Variants in CDKL2 observed in about 807,000 individuals in gnomAD.
CDKL2 encodes cyclin dependent kinase like 2.
Under a neutral mutation model 63.9 loss-of-function variants are expected in CDKL2, and 64 were observed. That is an observed-to-expected ratio of 1.00 (90% CI 0.82 to 1.23). The LOEUF is 1.23. Among genes scored for constraint, CDKL2 ranks in the 50% most tolerant of loss-of-function variants. The pLI is 0.00. For synonymous variants in CDKL2, 211 were observed against 229.2 expected (o/e 0.92, Z 0.72); for missense variants, 656 against 668.0 (o/e 0.98, Z 0.20).
intron 1 of CDKL2, among the ~76,000 whole-genome samples, chr4:75,628,864 A>G (rs914702772): frequency 6.6e-6 from 1 of 152,134 alleles, no homozygotes; most frequent in Non-Finnish European, 1.5e-5. Context: ...TTTTTAATGT[A>G]GCTATATGTG....
intron 1 of CDKL2, among the ~76,000 whole-genome samples, chr4:75,626,472 C>T (rs1313286388): frequency 6.6e-6 from 1 of 152,084 alleles, no homozygotes; most frequent in African/African-American, 2.4e-5. Flanking sequence ...TGAGACCATC[C>T]TGGCTAACAC....
intron 2 of CDKL2, among the ~76,000 whole-genome samples, chr4:75,620,037 T>A (rs1392082144): frequency 6.6e-6 from 1 of 151,988 alleles, no homozygotes; most frequent in African/African-American, 2.4e-5. Context: ...ATTAAAAAAA[T>A]TAGCTGGGCA....
Position 75,617,648 on chromosome 4 carries a change from G to A in CDKL2, c.169-3199C>T, listed in dbSNP as rs558431949. Among the ~76,000 whole-genome samples the A allele has an allele frequency of 1.4e-3, 206 of 152,140 alleles. 1 individual carries two copies. The highest frequency in any genetic ancestry group is 4.8e-3 in the African/African-American group (200 of 41,488). Reference sequence around the variant, plus strand: ...TACTAGAATGTCACTTGTTCCATTGGGCTGTTTTGGCACATTTCTAATAGA... The same window carrying A: ...TACTAGAATGTCACTTGTTCCATTGAGCTGTTTTGGCACATTTCTAATAGA... On this transcript the variant is annotated intron_variant, in intron 2 of 13. Transcript: ENST00000307465.
At chr4:75,582,908 C>G (rs1728321028) in intron 12 of CDKL2, among the ~76,000 whole-genome samples, 1 of 151,988 alleles carries the variant, frequency 6.6e-6, no homozygotes, top group Non-Finnish European at 1.5e-5. Context: ...GGAGGAAAAA[C>G]AAAAACAAAA....
intron 4 of CDKL2, among the ~76,000 whole-genome samples, chr4:75,606,752 A>C (rs1037892561): frequency 6.6e-6 from 1 of 152,372 alleles, no homozygotes; most frequent in East Asian, 1.9e-4. Flanking sequence ...AAAGATTTCA[A>C]TCAAAAGCAG....
At chr4:75,629,813 C>T (rs1284194530) in intron 1 of CDKL2, among the ~76,000 whole-genome samples, 1 of 151,794 alleles carries the variant, frequency 6.6e-6, no homozygotes, top group African/African-American at 2.4e-5. Flanking sequence ...GTGGTGATGC[C>T]TGTAATCCCA....
rs542440962 is a variant in CDKL2 at position 75,626,816 on chromosome 4, A to C, written c.-29-799T>G. On this transcript the variant is annotated intron_variant, in intron 1 of 13. Coordinates refer to ENST00000307465, the MANE Select transcript of CDKL2 (RefSeq NM_001330724.2). ...TGAGGCAGGAGAATTGCTTGAGCCCAGGAGGTTGAGGCTGCAGTGAGCTGT... is the reference window on the plus strand; with the variant it reads ...TGAGGCAGGAGAATTGCTTGAGCCCCGGAGGTTGAGGCTGCAGTGAGCTGT... Among the ~76,000 whole-genome samples, 32 of 152,182 alleles carry C rather than the reference A, an allele frequency of 2.1e-4. No individual in the cohort carries two copies. The East Asian group carries it at 6.0e-3, about 28-fold the overall frequency.
chr4:75,598,174 G>T lies in CDKL2; in HGVS notation c.923C>A (p.Ala308Asp). 1 of 1,522,654 alleles carries T rather than the reference G, an allele frequency of 6.6e-7. No individual in the cohort carries two copies. Among genetic ancestry groups the T allele is most frequent in the Non-Finnish European group, 9.0e-7 (1 of 1,112,764 alleles). 94.3% of individuals were successfully genotyped at this position (1,522,654 alleles called of 1,614,324 possible). A position where few individuals can be genotyped will look rare whatever the true frequency, so the allele number is the denominator to read the frequency against. ...QELQLKVQKD[A>D]RNVSLSKKSQ... ...TTTTTTAGATAAAGAAACATTTCTG[G>T]CATCTTTCTGTACTTTTAACTGTAG... Residue 308 changes from alanine (A) to aspartate (D), a missense_variant, in exon 8 of 14, where the codon GCC (alanine) becomes GAC (aspartate). Coordinates refer to ENST00000307465, the MANE Select transcript of CDKL2 (RefSeq NM_001330724.2).
chr4:75,609,751 TA>T (rs1233357087), intron 3 of CDKL2, among the ~76,000 whole-genome samples: 2 of 151,064 alleles, frequency 1.3e-5, no homozygotes, highest in African/African-American at 2.4e-5. Context: ...TTTTGAAAAC[TA>T]AAAAAGATAG....
At chr4:75,591,249 C>G (rs1466427552) in intron 12 of CDKL2, among the ~76,000 whole-genome samples, 1 of 152,108 alleles carries the variant, frequency 6.6e-6, no homozygotes, top group Non-Finnish European at 1.5e-5. Context: ...CAGTAGCTAA[C>G]AAAAACTGTA....
At chr4:75,588,074 C>T (rs1347683545) in intron 12 of CDKL2, among the ~76,000 whole-genome samples, 2 of 151,428 alleles carry the variant, frequency 1.3e-5, no homozygotes, top group African/African-American at 2.4e-5. Flanking sequence ...ATTAGCCGGG[C>T]GTGGTGGTGC....
chr4:75,595,454 A>G (rs1160521041), intron 10 of CDKL2, among the ~76,000 whole-genome samples: 3 of 152,028 alleles, frequency 2.0e-5, no homozygotes, highest in Non-Finnish European at 4.4e-5. Flanking sequence ...GGCTCAAACT[A>G]TCCTCCCACC....
chr4:75,596,077 G>A (rs546513768), intron 10 of CDKL2, 170 bp downstream of exon 10: 88 of 418,172 alleles, frequency 2.1e-4, no homozygotes, highest in Non-Finnish European at 3.5e-4. Flanking sequence ...TAAACTTTCA[G>A]AATTTCACGT....
At chr4:75,626,065 C>A (rs1730394328) in intron 1 of CDKL2, 48 bp from the exon 2 acceptor site, 9 of 1,140,452 alleles carry the variant, frequency 7.9e-6, no homozygotes, top group Non-Finnish European at 1.2e-5. Flanking sequence ...ACGTTAATTT[C>A]CTCCGCCTTC....
intron 12 of CDKL2, among the ~76,000 whole-genome samples, chr4:75,584,738 G>A (rs939679154): frequency 3.9e-5 from 6 of 152,108 alleles, no homozygotes; most frequent in African/African-American, 7.2e-5. Context: ...ATGGATACAC[G>A]GGACAATGGG....
intron 3 of CDKL2, 21 bp from the exon 4 acceptor site, chr4:75,607,382 G>A (rs1298988792): frequency 1.0e-5 from 16 of 1,586,494 alleles, no homozygotes; most frequent in African/African-American, 1.4e-5. Context: ...AGCAGAGTGT[G>A]ACGGATGTTA....
chr4:75,626,622 A>C (rs564743899), intron 1 of CDKL2, among the ~76,000 whole-genome samples: 703 of 146,390 alleles, frequency 4.8e-3, no homozygotes, highest in Non-Finnish European at 8.4e-3. Context: ...AGCCAAGATC[A>C]CACCACTGCA....
chr4:75,609,385 T>C (rs1281407800), intron 3 of CDKL2, among the ~76,000 whole-genome samples: 1 of 151,644 alleles, frequency 6.6e-6, no homozygotes, highest in East Asian at 1.9e-4. Context: ...GGTGGGTGGA[T>C]CATGAGGTCA....
At chr4:75,593,862 T>C (rs78661901) in intron 10 of CDKL2, among the ~76,000 whole-genome samples, 1,787 of 152,204 alleles carry the variant, frequency 0.012, 38 homozygotes, top group African/African-American at 0.041. Flanking sequence ...GGGAAATTTG[T>C]CTCACACACA....
Sources: allele counts gnomAD v4.1 joint callset (sites outside exome capture counted in the v4.1 genomes callset), GRCh38; gene constraint gnomAD v4.1.1; transcripts MANE v1.5; gene names NCBI Gene and HGNC (gene_info 2026-07-23, HGNC 2026-07-21).